Variants in RBFOX1 observed in about 807,000 individuals in gnomAD.
The protein encoded by RBFOX1 is RNA binding fox-1 homolog 1.
In RBFOX1, 8 loss-of-function variants were observed where a neutral mutation model predicts 57.7. The observed-to-expected ratio is 0.14, with a 90% confidence interval of 0.08 to 0.25. The LOEUF is 0.25. Ranked by LOEUF, RBFOX1 falls within the 10% of genes least tolerant of loss-of-function variation. The probability of loss-of-function intolerance (pLI) is 1.00; values close to 1 mark genes in which losing one functional copy is unlikely to be tolerated. For missense variants in RBFOX1, 611 were observed against 548.5 expected, an observed-to-expected ratio of 1.11 and a Z score of -1.14; for synonymous variants, 326 against 222.4, an observed-to-expected ratio of 1.47 and a Z score of -4.15.
chr16:5,882,436 C>G (rs1386199089), intron 4 of RBFOX1, among the ~76,000 whole-genome samples: 2 of 152,176 alleles, frequency 1.3e-5, no homozygotes, highest in Non-Finnish European at 2.9e-5. Context: ...TTGGCCAGAA[C>G]TCAGTCACTT....
At chr16:5,628,189 C>G (rs572022647) in intron 3 of RBFOX1, among the ~76,000 whole-genome samples, 2 of 152,284 alleles carry the variant, frequency 1.3e-5, no homozygotes, top group East Asian at 3.9e-4. Flanking sequence ...ATCAGATAGT[C>G]TATTGAGAAA....
At chr16:7,206,408 C>G (rs2089977098) in intron 4 of RBFOX1, among the ~76,000 whole-genome samples, 1 of 151,398 alleles carries the variant, frequency 6.6e-6, no homozygotes, top group African/African-American at 2.4e-5. Flanking sequence ...AGAATATTTA[C>G]TTACTGAAAT....
chr16:7,608,799 T>C (rs2056854527), intron 10 of RBFOX1, among the ~76,000 whole-genome samples: 1 of 152,228 alleles, frequency 6.6e-6, no homozygotes, highest in South Asian at 2.1e-4. Flanking sequence ...CAGCACCGTG[T>C]AAACATTTAG....
intron 4 of RBFOX1, among the ~76,000 whole-genome samples, chr16:7,142,165 G>A (rs72763589): frequency 0.23 from 34,886 of 151,774 alleles, 4,171 homozygotes; most frequent in Middle Eastern, 0.26. Flanking sequence ...CTGGGACTGC[G>A]AGCACACACC....
At chr16:7,374,216 G>A (rs2097640531) in intron 4 of RBFOX1, among the ~76,000 whole-genome samples, 1 of 152,078 alleles carries the variant, frequency 6.6e-6, no homozygotes, top group African/African-American at 2.4e-5. Flanking sequence ...TTCAATATGG[G>A]GTCAAATATT....
chr16:5,390,299 T>TC (rs1275677530), intron 1 of RBFOX1, among the ~76,000 whole-genome samples: 1 of 150,898 alleles, frequency 6.6e-6, no homozygotes, highest in Non-Finnish European at 1.5e-5. Context: ...TTCTTTTTTT[T>TC]TTTTTTTTAA....
intron 1 of RBFOX1, among the ~76,000 whole-genome samples, chr16:5,421,028 A>T (rs940855059): frequency 4.8e-5 from 7 of 144,902 alleles, no homozygotes; most frequent in African/African-American, 7.7e-5. Context: ...CTTTTTTGAG[A>T]CTGGAACTTG....
At chr16:7,632,586 A>T (rs940096151) in intron 11 of RBFOX1, among the ~76,000 whole-genome samples, 9 of 152,186 alleles carry the variant, frequency 5.9e-5, no homozygotes, top group Non-Finnish European at 8.8e-5. Flanking sequence ...CATTTGACTA[A>T]ATCTGATCGC....
chr16:6,345,096 G>A (rs2085168867), intron 2 of RBFOX1, among the ~76,000 whole-genome samples: 1 of 152,182 alleles, frequency 6.6e-6, no homozygotes, highest in African/African-American at 2.4e-5. Flanking sequence ...AGATTCTTGT[G>A]AAGCAAAGCA....
intron 4 of RBFOX1, among the ~76,000 whole-genome samples, chr16:7,172,000 A>G (rs993215963): frequency 6.6e-6 from 1 of 152,172 alleles, no homozygotes. Context: ...GAAGAATCCT[A>G]CATTCACAGA....
At chr16:7,395,683 A>C (rs1006450223) in intron 4 of RBFOX1, among the ~76,000 whole-genome samples, 4 of 152,200 alleles carry the variant, frequency 2.6e-5, no homozygotes, top group Non-Finnish European at 5.9e-5. Flanking sequence ...TATTAAATAG[A>C]TGTGTCTATA....
chr16:6,051,518 G>A (rs537669529), intron 1 of RBFOX1, among the ~76,000 whole-genome samples: 4 of 152,144 alleles, frequency 2.6e-5, no homozygotes, highest in South Asian at 2.1e-4. Flanking sequence ...TAGTAGAGGC[G>A]GGGTTTCGCC....
chr16:6,878,365 C>G (rs546028469), intron 3 of RBFOX1, among the ~76,000 whole-genome samples: 1 of 152,266 alleles, frequency 6.6e-6, no homozygotes, highest in East Asian at 1.9e-4. Flanking sequence ...CTAGAAATTT[C>G]TTATCTCTCT....
intron 5 of RBFOX1, among the ~76,000 whole-genome samples, chr16:7,565,485 C>G (rs2091453671): frequency 6.6e-6 from 1 of 152,174 alleles, no homozygotes; most frequent in Admixed American, 6.5e-5. Context: ...CTCTGCCCTG[C>G]TATTCTCTGC....
intron 3 of RBFOX1, among the ~76,000 whole-genome samples, chr16:5,828,045 C>G (rs925561544): frequency 2.0e-5 from 3 of 150,946 alleles, no homozygotes; most frequent in African/African-American, 7.3e-5. Context: ...ATGTATCCAT[C>G]CATCTACCCA....
At chr16:6,051,960 C>T (rs190497695) in intron 1 of RBFOX1, among the ~76,000 whole-genome samples, 56 of 152,330 alleles carry the variant, frequency 3.7e-4, no homozygotes, top group African/African-American at 1.3e-3. Context: ...CACTCCCTCA[C>T]CTGGACCGAC....
At chr16:7,210,320 C>T (rs55757042) in intron 4 of RBFOX1, among the ~76,000 whole-genome samples, 15,237 of 152,158 alleles carry the variant, frequency 0.1, 833 homozygotes, top group African/African-American at 0.12. Context: ...ATGTTGGCAA[C>T]TCTTGGGCAG....
chr16:6,422,356 T>G (rs1350820028), intron 2 of RBFOX1, among the ~76,000 whole-genome samples: 2 of 151,634 alleles, frequency 1.3e-5, no homozygotes, highest in Non-Finnish European at 2.9e-5. Flanking sequence ...AGGTAGTGAG[T>G]GTAGTACCCA....
intron 13 of RBFOX1, among the ~76,000 whole-genome samples, chr16:7,670,725 C>G (rs1002214339): frequency 1.3e-5 from 2 of 152,128 alleles, no homozygotes. Flanking sequence ...TATACACAAG[C>G]CTTTATAGGG....
Sources: allele counts gnomAD v4.1 joint callset (sites outside exome capture counted in the v4.1 genomes callset), GRCh38; gene constraint gnomAD v4.1.1; transcripts MANE v1.5; gene names NCBI Gene and HGNC (gene_info 2026-07-23, HGNC 2026-07-21).